Variants in SUGCT observed in about 807,000 individuals in gnomAD.
SUGCT encodes the protein succinyl-CoA:glutarate-CoA transferase.
SUGCT carries 41 observed loss-of-function variants against 55.0 expected under a neutral mutation model. That is an observed-to-expected ratio of 0.74 (90% CI 0.58 to 0.97). The LOEUF is 0.97. Among genes scored for constraint, SUGCT ranks in the 50% least tolerant of loss-of-function variants. SUGCT has a pLI of 0.00. For synonymous variants in SUGCT, 187 were observed against 200.4 expected, an observed-to-expected ratio of 0.93 and a Z score of 0.56; for missense variants, 568 against 547.8, an observed-to-expected ratio of 1.04 and a Z score of -0.37.
chr7:40,228,620 C>A (rs978845928), intron 6 of SUGCT, among the ~76,000 whole-genome samples: 1 of 151,988 alleles, frequency 6.6e-6, no homozygotes, highest in Non-Finnish European at 1.5e-5. Context: ...TGTTGGCAGG[C>A]ATTGATGATG....
chr7:40,294,343 T>G (rs17171670), intron 8 of SUGCT, among the ~76,000 whole-genome samples: 11,836 of 152,214 alleles, frequency 0.078, 1,009 homozygotes, highest in African/African-American at 0.21. Flanking sequence ...GCAGCTTACC[T>G]GTGTAACTGG....
At chr7:40,925,847 A>C in the SUGCT span, among the ~76,000 whole-genome samples, 6 of 152,090 alleles carry the variant, frequency 3.9e-5, no homozygotes, top group Non-Finnish European at 8.8e-5. Context: ...CAATTCCAAC[A>C]ATTTGGGAGG....
the SUGCT span, among the ~76,000 whole-genome samples, chr7:40,975,039 C>T: frequency 7.2e-5 from 11 of 152,266 alleles, no homozygotes; most frequent in East Asian, 1.5e-3. Flanking sequence ...TTGTTATAGG[C>T]TAAGTGAGTG....
At chr7:40,663,783 TGGCCCA>T (rs1167182976) in intron 12 of SUGCT, among the ~76,000 whole-genome samples, 1 of 152,178 alleles carries the variant, frequency 6.6e-6, no homozygotes, top group Non-Finnish European at 1.5e-5. Context: ...GGGTAATCCA[TGGCCCA>T]GCAGTGTTGG....
At chr7:40,854,416 T>TCTCTC (rs1360424274) in intron 13 of SUGCT, among the ~76,000 whole-genome samples, 2 of 59,428 alleles carry the variant, frequency 3.4e-5, no homozygotes, top group African/African-American at 1.1e-4. Flanking sequence ...TCTTTCTTTC[T>TCTCTC]TTCCTTTCTT....
rs959608055 is a variant in SUGCT, at chr7:40,500,883, A to G, written c.1089+4497A>G. ...CACACACACAGACACGCACACACAC[A>G]AACACATACACATACACATACACAC... On this transcript the variant is annotated intron_variant, in intron 12 of 13. Transcript: ENST00000335693. Among the ~76,000 whole-genome samples the G allele has an allele frequency of 2.3e-4, 35 of 149,296 alleles. 1 individual carries two copies. Among genetic ancestry groups the G allele is most frequent in the Admixed American group, 2.3e-3 (35 of 14,954 alleles).
the SUGCT span, among the ~76,000 whole-genome samples, chr7:40,890,565 C>T: frequency 3.9e-5 from 6 of 151,922 alleles, no homozygotes; most frequent in African/African-American, 1.5e-4. Flanking sequence ...AGCTCCAGGC[C>T]TGCTCACCTG....
chr7:40,278,872 G>T (rs1471652219), intron 8 of SUGCT, among the ~76,000 whole-genome samples: 1 of 151,216 alleles, frequency 6.6e-6, no homozygotes, highest in Non-Finnish European at 1.5e-5. Context: ...TTTTGTCCAG[G>T]TTGGAATGCA....
At chr7:40,237,138 T>C (rs542598219) in intron 6 of SUGCT, among the ~76,000 whole-genome samples, 21 of 150,854 alleles carry the variant, frequency 1.4e-4, no homozygotes, top group African/African-American at 5.1e-4. Context: ...CGGCCTGAGT[T>C]TTTTTTTAAG....
At chr7:40,157,146 G>A (rs2150629516) in intron 1 of SUGCT, among the ~76,000 whole-genome samples, 1 of 152,272 alleles carries the variant, frequency 6.6e-6, no homozygotes, top group African/African-American at 2.4e-5. Flanking sequence ...AAAACCCAGA[G>A]TGTTGGAGGC....
At chr7:41,018,006 G>A in the SUGCT span, among the ~76,000 whole-genome samples, 1 of 151,358 alleles carries the variant, frequency 6.6e-6, no homozygotes, top group African/African-American at 2.4e-5. Context: ...AGCCACAATG[G>A]GCTAGATGGG....
chr7:40,178,119 ACTTTT>A (rs1785014531), intron 1 of SUGCT, among the ~76,000 whole-genome samples: 1 of 152,198 alleles, frequency 6.6e-6, no homozygotes, highest in Non-Finnish European at 1.5e-5. Flanking sequence ...GTTGGTTGAC[ACTTTT>A]CTTAAGTCTC....
chr7:40,857,579 G>A (rs760583991), intron 13 of SUGCT, among the ~76,000 whole-genome samples: 23 of 151,978 alleles, frequency 1.5e-4, no homozygotes, highest in Admixed American at 3.9e-4. Flanking sequence ...GGCATACAGT[G>A]GGAGGAACAC....
intron 11 of SUGCT, among the ~76,000 whole-genome samples, chr7:40,476,804 CTTT>C (rs59726430): frequency 6.9e-6 from 1 of 144,274 alleles, no homozygotes. Context: ...AGTTCTCATT[CTTT>C]TTTTTTTTTT....
chr7:40,365,449 A>G (rs1033082903), intron 9 of SUGCT, among the ~76,000 whole-genome samples: 2 of 152,020 alleles, frequency 1.3e-5, no homozygotes, highest in Non-Finnish European at 2.9e-5. Context: ...AGGGTATTCA[A>G]TTAGGAAAAG....
intron 12 of SUGCT, among the ~76,000 whole-genome samples, chr7:40,667,282 C>T (rs1240189125): frequency 6.6e-6 from 1 of 152,122 alleles, no homozygotes; most frequent in African/African-American, 2.4e-5. Context: ...GCCAATCTTG[C>T]ATCCTAGGAA....
chr7:40,531,983 T>C (rs1377342251), intron 12 of SUGCT, among the ~76,000 whole-genome samples: 3 of 152,192 alleles, frequency 2.0e-5, no homozygotes, highest in African/African-American at 7.2e-5. Context: ...CATATATATT[T>C]TTATTCATTC....
chr7:40,227,522 A>G (rs979420704), intron 6 of SUGCT, among the ~76,000 whole-genome samples: 6 of 152,096 alleles, frequency 3.9e-5, no homozygotes, highest in Admixed American at 3.3e-4. Flanking sequence ...GTGCCACCAC[A>G]TCTGGCTAAT....
the SUGCT span, among the ~76,000 whole-genome samples, chr7:40,877,331 T>C: frequency 1.3e-5 from 2 of 152,228 alleles, no homozygotes; most frequent in African/African-American, 2.4e-5. Flanking sequence ...AGGTTCATTA[T>C]TGGATATTTT....
Sources: allele counts gnomAD v4.1 joint callset (sites outside exome capture counted in the v4.1 genomes callset), GRCh38; gene constraint gnomAD v4.1.1; transcripts MANE v1.5; gene names NCBI Gene and HGNC (gene_info 2026-07-23, HGNC 2026-07-21).